FRMD3: variants seen among roughly 807,000 people sequenced by gnomAD.
FRMD3 encodes FERM domain containing 3.
In FRMD3, 33 loss-of-function variants were observed where a neutral mutation model predicts 70.2. The observed-to-expected ratio is 0.47, with a 90% CI of 0.36 to 0.63. FRMD3 has a LOEUF of 0.63. Among genes scored for constraint, FRMD3 ranks in the 20% least tolerant of loss-of-function variants. FRMD3 has a pLI of 0.00. For missense variants in FRMD3, 632 were observed against 711.4 expected, an observed-to-expected ratio of 0.89 and a Z score of 1.27; for synonymous variants, 279 against 255.9, an observed-to-expected ratio of 1.09 and a Z score of -0.86.
intron 7 of FRMD3, among the ~76,000 whole-genome samples, chr9:83,312,892 T>C (rs1038198426): frequency 6.6e-6 from 1 of 152,212 alleles, no homozygotes; most frequent in African/African-American, 2.4e-5. Flanking sequence ...ATAGGACTAA[T>C]GCTTTGCCAA....
intron 13 of FRMD3, among the ~76,000 whole-genome samples, chr9:83,275,013 C>G (rs963672864): frequency 2.0e-5 from 3 of 152,106 alleles, no homozygotes; most frequent in Non-Finnish European, 4.4e-5. Flanking sequence ...TGTCATCAAC[C>G]AAGTCAGCAG....
the FRMD3 span, among the ~76,000 whole-genome samples, chr9:83,572,997 A>T: frequency 6.6e-6 from 1 of 152,070 alleles, no homozygotes; most frequent in Non-Finnish European, 1.5e-5. Context: ...GTAGGAATCA[A>T]AACTGGGTCT....
chr9:83,252,767 C>A (rs1333082728), intron 13 of FRMD3, among the ~76,000 whole-genome samples: 3 of 152,078 alleles, frequency 2.0e-5, no homozygotes, highest in South Asian at 2.1e-4. Flanking sequence ...TCAAAAAAGA[C>A]AAAGGAGGTC....
intron 1 of FRMD3, among the ~76,000 whole-genome samples, chr9:83,487,094 A>T (rs759164192): frequency 6.6e-6 from 1 of 152,206 alleles, no homozygotes; most frequent in Admixed American, 6.5e-5. Context: ...CCTGCCATTC[A>T]TCTCACTTGA....
chr9:83,465,724 G>C (rs963144145), intron 1 of FRMD3, among the ~76,000 whole-genome samples: 1 of 152,084 alleles, frequency 6.6e-6, no homozygotes, highest in Non-Finnish European at 1.5e-5. Flanking sequence ...AGCCAGCTAC[G>C]TCCGCTGCAC....
chr9:83,401,990 T>C (rs1564059536), intron 1 of FRMD3, among the ~76,000 whole-genome samples: 1 of 152,016 alleles, frequency 6.6e-6, no homozygotes, highest in Non-Finnish European at 1.5e-5. Context: ...TAAAATAATA[T>C]TGTCACCCAT....
intron 8 of FRMD3, 149 bp downstream of exon 8, chr9:83,311,738 C>G: frequency 1.5e-6 from 1 of 666,610 alleles, no homozygotes; most frequent in South Asian, 1.7e-5. Context: ...CAAAGGCAAC[C>G]TAGATGTTAC....
chr9:83,316,400 A>C (rs1587716710), intron 6 of FRMD3, among the ~76,000 whole-genome samples: 1 of 151,902 alleles, frequency 6.6e-6, no homozygotes, highest in Admixed American at 6.6e-5. Context: ...CAAGCAATCC[A>C]CCTGCCTCAG....
chr9:83,271,384 C>G (rs12336693), intron 13 of FRMD3, among the ~76,000 whole-genome samples: 32,418 of 151,962 alleles, frequency 0.21, 4,107 homozygotes, highest in African/African-American at 0.36. Context: ...CTTCAGAGGA[C>G]TTTTTAAAGA....
chr9:83,327,997 C>T (rs886542252), intron 6 of FRMD3, among the ~76,000 whole-genome samples: 6 of 152,094 alleles, frequency 3.9e-5, no homozygotes, highest in African/African-American at 9.7e-5. Context: ...ACAGCTGCCA[C>T]GCTATGAAAG....
chr9:83,472,633 A>G (rs1452090582), intron 1 of FRMD3, among the ~76,000 whole-genome samples: 7 of 152,156 alleles, frequency 4.6e-5, no homozygotes, highest in Admixed American at 1.3e-4. Flanking sequence ...ATTTCATGAG[A>G]ACATATCTCT....
intron 3 of FRMD3, among the ~76,000 whole-genome samples, chr9:83,351,376 C>T (rs1174987783): frequency 2.3e-5 from 3 of 128,944 alleles, no homozygotes; most frequent in African/African-American, 5.5e-5. Flanking sequence ...CATTCAACGC[C>T]CTACTTCCCT....
intron 3 of FRMD3, among the ~76,000 whole-genome samples, chr9:83,359,156 T>G (rs555587131): frequency 2.3e-4 from 35 of 152,302 alleles, no homozygotes; most frequent in African/African-American, 7.7e-4. Context: ...CATGTTTAAT[T>G]CATCTTCCTC....
rs56369819 is a variant in FRMD3, at chr9:83,445,341, A to AATAGATAGATAG, written c.148-55645_148-55634dup. On this transcript the variant is annotated intron_variant, in intron 1 of 13. Coordinates refer to ENST00000304195, the MANE Select transcript of FRMD3 (RefSeq NM_174938.6). ...AGAGCTAGACCCTATCTCAAAAATA[A>AATAGATAGATAG]ATAGATAGATAGATAGATAGATAGA... Among the ~76,000 whole-genome samples, 846 of 146,640 alleles carry AATAGATAGATAG rather than the reference A, an allele frequency of 5.8e-3. 3 individuals carry two copies. The highest frequency in any genetic ancestry group is 0.011 in the East Asian group (54 of 4,892).
rs887748782 is a variant in FRMD3, at chr9:83,537,849, C to G, written c.147+236G>C. On this transcript the variant is annotated intron_variant, in intron 1 of 13. Transcript: ENST00000304195. This position sits in a 1 kb window ranked among gnomAD's most constrained non-coding sequence, Gnocchi z 4.1. ...GTGAGACGCGCGCGCAGGGTGCACG[C>G]GAGGGGAAGGAGACTGGGCGCGGAT... Among the ~76,000 whole-genome samples, 1 of 151,210 alleles carries G rather than the reference C, an allele frequency of 6.6e-6. No homozygotes were observed. The highest frequency in any genetic ancestry group is 2.4e-5 in the African/African-American group (1 of 41,122).
intron 1 of FRMD3, among the ~76,000 whole-genome samples, chr9:83,473,697 G>A (rs920001269): frequency 1.3e-5 from 2 of 152,208 alleles, no homozygotes; most frequent in African/African-American, 4.8e-5. Context: ...GGGCTAGCTA[G>A]TGAACTTAAG....
chr9:83,459,973 T>C (rs1415037256), intron 1 of FRMD3, among the ~76,000 whole-genome samples: 1 of 152,232 alleles, frequency 6.6e-6, no homozygotes, highest in Admixed American at 6.5e-5. Context: ...ACAAGCTCTC[T>C]GGTGTCTCTT....
intron 1 of FRMD3, among the ~76,000 whole-genome samples, chr9:83,408,013 C>A (rs574134649): frequency 1.3e-5 from 2 of 152,002 alleles, no homozygotes; most frequent in South Asian, 4.1e-4. Flanking sequence ...GGAAGCCAGA[C>A]TTCTCCATCA....
chr9:83,401,431 A>G (rs1429673546), intron 1 of FRMD3, among the ~76,000 whole-genome samples: 1 of 152,244 alleles, frequency 6.6e-6, no homozygotes, highest in African/African-American at 2.4e-5. Flanking sequence ...TGAGACCCAG[A>G]GAATTTTAGA....
Sources: gnomAD v4.1 joint callset for allele counts (sites outside exome capture counted in the v4.1 genomes callset) on GRCh38, gnomAD v4.1.1 for gene constraint, Gnocchi (gnomAD v3.1) non-coding constraint, MANE v1.5 for transcripts, NCBI Gene and HGNC (gene_info 2026-07-23, HGNC 2026-07-21) for gene names.